Variants in PPARGC1A observed in about 807,000 individuals in gnomAD.
PPARGC1A encodes peroxisome proliferator-activated receptor gamma coactivator 1-alpha.
A neutral mutation model predicts 88.7 loss-of-function variants in PPARGC1A; 25 were observed. That is an observed-to-expected ratio of 0.28 (90% CI 0.21 to 0.39). The LOEUF is 0.39. Among genes scored for constraint, PPARGC1A ranks in the 10% least tolerant of loss-of-function variants. The pLI, the probability that PPARGC1A is intolerant of heterozygous loss-of-function variation, is 1.00. For missense variants in PPARGC1A, 880 were observed against 968.7 expected, an observed-to-expected ratio of 0.91 and a Z score of 1.22; for synonymous variants, 363 against 355.6, an observed-to-expected ratio of 1.02 and a Z score of -0.24.
At chr4:24,285,816 C>T in the PPARGC1A span, among the ~76,000 whole-genome samples, 3 of 152,140 alleles carry the variant, frequency 2.0e-5, no homozygotes, top group Non-Finnish European at 4.4e-5. Context: ...TCTTCATTTC[C>T]CCACCACTTC....
intron 2 of PPARGC1A, among the ~76,000 whole-genome samples, chr4:23,853,744 A>G (rs926206223): frequency 1.3e-5 from 2 of 152,198 alleles, no homozygotes; most frequent in African/African-American, 4.8e-5. Flanking sequence ...AAACTATCTG[A>G]TAAAACAACG....
At chr4:24,041,549 C>T in the PPARGC1A span, among the ~76,000 whole-genome samples, 7 of 152,280 alleles carry the variant, frequency 4.6e-5, no homozygotes, top group South Asian at 2.1e-4. Flanking sequence ...TTGTATGTGC[C>T]ATCTGCTACC....
At chr4:24,153,829 T>C in the PPARGC1A span, among the ~76,000 whole-genome samples, 2 of 152,190 alleles carry the variant, frequency 1.3e-5, no homozygotes, top group South Asian at 2.1e-4. Flanking sequence ...CACCAAATTG[T>C]TACCGAACTG....
At chr4:24,279,705 C>A in the PPARGC1A span, among the ~76,000 whole-genome samples, 1 of 152,106 alleles carries the variant, frequency 6.6e-6, no homozygotes, top group African/African-American at 2.4e-5. Flanking sequence ...ACTGAAACTT[C>A]CTCCGCAGTC....
At chr4:24,065,359 C>T in the PPARGC1A span, among the ~76,000 whole-genome samples, 9 of 152,238 alleles carry the variant, frequency 5.9e-5, no homozygotes, top group East Asian at 9.7e-4. Flanking sequence ...CTTTCATCAA[C>T]GGGAGCCCTG....
chr4:24,471,314 G>A, the PPARGC1A span, among the ~76,000 whole-genome samples: 1 of 151,326 alleles, frequency 6.6e-6, no homozygotes, highest in African/African-American at 2.4e-5. The surrounding 1 kb of genome is among the most constrained non-coding windows in gnomAD (Gnocchi z 5.4). Context: ...GCGAGCGCGC[G>A]CGCACACCCA....
chr4:24,296,867 G>A, the PPARGC1A span, among the ~76,000 whole-genome samples: 51 of 152,238 alleles, frequency 3.4e-4, no homozygotes, highest in African/African-American at 1.2e-3. Flanking sequence ...GGATGCATAC[G>A]AAGTTCTGTC....
chr4:23,908,156 T>C (rs889797354), upstream of PPARGC1A, among the ~76,000 whole-genome samples: 7 of 152,254 alleles, frequency 4.6e-5, no homozygotes, highest in African/African-American at 1.7e-4. Flanking sequence ...AGTGTAACTC[T>C]TTAAGAGAAC....
chr4:24,195,449 T>C, the PPARGC1A span, among the ~76,000 whole-genome samples: 1 of 152,226 alleles, frequency 6.6e-6, no homozygotes, highest in Admixed American at 6.5e-5. Context: ...AGTACTTACC[T>C]CAATTTTTTG....
the PPARGC1A span, among the ~76,000 whole-genome samples, chr4:23,946,629 T>A: frequency 6.6e-6 from 1 of 152,056 alleles, no homozygotes; most frequent in South Asian, 2.1e-4. Flanking sequence ...AACCCAGACA[T>A]GCAAGAAAGA....
chr4:24,405,929 C>T, the PPARGC1A span, among the ~76,000 whole-genome samples: 2 of 151,846 alleles, frequency 1.3e-5, no homozygotes, highest in Non-Finnish European at 2.9e-5. Flanking sequence ...CTCCTTCTTG[C>T]CTTCTTTTCT....
the PPARGC1A span, among the ~76,000 whole-genome samples, chr4:23,997,875 G>A: frequency 6.5e-3 from 993 of 152,266 alleles, 9 homozygotes; most frequent in African/African-American, 0.023. Flanking sequence ...GAACTTGCAA[G>A]TAAATACATA....
At chr4:24,288,824 G>A in the PPARGC1A span, among the ~76,000 whole-genome samples, 1 of 152,166 alleles carries the variant, frequency 6.6e-6, no homozygotes, top group East Asian at 1.9e-4. Flanking sequence ...CCATTTGATG[G>A]ATGCCTTAGA....
chr4:24,169,592 A>C, the PPARGC1A span, among the ~76,000 whole-genome samples: 1 of 152,154 alleles, frequency 6.6e-6, no homozygotes, highest in Non-Finnish European at 1.5e-5. Context: ...AATCTCAGCC[A>C]AGCATGTTGG....
the PPARGC1A span, among the ~76,000 whole-genome samples, chr4:24,269,866 G>A: frequency 0.012 from 1,897 of 152,216 alleles, 44 homozygotes; most frequent in African/African-American, 0.043. Context: ...TTAAACTTCT[G>A]GGTCTCAGTT....
At chr4:24,191,166 C>T in the PPARGC1A span, among the ~76,000 whole-genome samples, 2 of 152,146 alleles carry the variant, frequency 1.3e-5, no homozygotes, top group Non-Finnish European at 1.5e-5. Flanking sequence ...AATGAAGAAT[C>T]GAGCTGTATG....
chr4:24,018,495 GA>G, the PPARGC1A span, among the ~76,000 whole-genome samples: 1 of 151,870 alleles, frequency 6.6e-6, no homozygotes, highest in Non-Finnish European at 1.5e-5. Flanking sequence ...TGAGGGTGAT[GA>G]GGGGGGGCAA....
the PPARGC1A span, among the ~76,000 whole-genome samples, chr4:23,981,519 G>A: frequency 6.6e-6 from 1 of 152,122 alleles, no homozygotes; most frequent in East Asian, 1.9e-4. Context: ...GTGTGGGCTG[G>A]AAAAGGAGCA....
chr4:24,166,666 C>T, the PPARGC1A span, among the ~76,000 whole-genome samples: 1 of 152,044 alleles, frequency 6.6e-6, no homozygotes, highest in East Asian at 1.9e-4. Context: ...ATAATGAGGG[C>T]CCTTAAGAAT....
Sources: allele counts gnomAD v4.1 joint callset (sites outside exome capture counted in the v4.1 genomes callset), GRCh38; gene constraint gnomAD v4.1.1; non-coding constraint Gnocchi (gnomAD v3.1); transcripts MANE v1.5; gene names NCBI Gene and HGNC (gene_info 2026-07-23, HGNC 2026-07-21).